RARB: variants seen among roughly 807,000 people sequenced by gnomAD.
The protein encoded by RARB is retinoic acid receptor beta.
In RARB, 17 loss-of-function variants were observed where a neutral mutation model predicts 51.9. That is an observed-to-expected ratio of 0.33 (90% CI 0.22 to 0.49). The LOEUF is 0.49. Ranked by LOEUF, RARB falls within the 20% of genes least tolerant of loss-of-function variation. The pLI is 0.99. For missense variants in RARB, 369 were observed against 550.8 expected (o/e 0.67, Z 3.30); for synonymous variants, 215 against 195.4 (o/e 1.10, Z -0.84).
At chr3:25,464,075 T>G (rs1181082587) in intron 2 of RARB, among the ~76,000 whole-genome samples, 1 of 152,224 alleles carries the variant, frequency 6.6e-6, no homozygotes, top group East Asian at 1.9e-4. Flanking sequence ...AATATATAAA[T>G]AAATGATTTT....
At chr3:25,424,060 TAACCA>T (rs1707925838), upstream of RARB, among the ~76,000 whole-genome samples, 2 of 152,334 alleles carry the variant, frequency 1.3e-5, no homozygotes, top group South Asian at 4.1e-4. Context: ...TATTTGTGTG[TAACCA>T]AGTAGGAAGA....
At chr3:25,445,931 A>G (rs1016530253) in intron 1 of RARB, among the ~76,000 whole-genome samples, 13 of 152,228 alleles carry the variant, frequency 8.5e-5, no homozygotes, top group African/African-American at 3.1e-4. Context: ...ATTTTGTCTT[A>G]TGGAGCTCTA....
At chr3:25,218,828 G>A (rs540139701) in intron 5 of RARB, among the ~76,000 whole-genome samples, 3 of 151,754 alleles carry the variant, frequency 2.0e-5, no homozygotes, top group Non-Finnish European at 4.4e-5. Context: ...CAGAGCTGTA[G>A]AGCCAGGACT....
chr3:25,479,774 A>G (rs1696138950), intron 2 of RARB, among the ~76,000 whole-genome samples: 1 of 152,208 alleles, frequency 6.6e-6, no homozygotes, highest in Non-Finnish European at 1.5e-5. Flanking sequence ...AGGTCATGTT[A>G]ATTCTACTGC....
intron 3 of RARB, among the ~76,000 whole-genome samples, chr3:25,521,114 G>C (rs138591414): frequency 6.6e-6 from 1 of 152,182 alleles, no homozygotes; most frequent in Non-Finnish European, 1.5e-5. Flanking sequence ...AGCAACCTAT[G>C]TCTGGGTCTC....
At chr3:25,032,003 T>A (rs963961275) in intron 2 of RARB, among the ~76,000 whole-genome samples, 1 of 152,216 alleles carries the variant, frequency 6.6e-6, no homozygotes, top group Admixed American at 6.5e-5. Flanking sequence ...TTTGCCTTTA[T>A]TAAAGCCAGG....
chr3:25,043,992 G>A (rs1698163960), intron 2 of RARB, among the ~76,000 whole-genome samples: 1 of 151,858 alleles, frequency 6.6e-6, no homozygotes, highest in African/African-American at 2.4e-5. Context: ...CCTGACTGGT[G>A]GATTGAGGCT....
chr3:25,376,033 T>G (rs1706449736), intron 5 of RARB, among the ~76,000 whole-genome samples: 1 of 152,248 alleles, frequency 6.6e-6, no homozygotes. Context: ...CGTAGAGCTC[T>G]TAAAACCATG....
chr3:25,362,424 C>A (rs1393306994), intron 5 of RARB, among the ~76,000 whole-genome samples: 5 of 152,168 alleles, frequency 3.3e-5, no homozygotes, highest in African/African-American at 7.2e-5. Flanking sequence ...GCTTGCTGGG[C>A]TCCAATGAGC....
intron 5 of RARB, among the ~76,000 whole-genome samples, chr3:25,416,147 T>A (rs1292324221): frequency 1.3e-5 from 2 of 152,198 alleles, no homozygotes; most frequent in Non-Finnish European, 2.9e-5. Context: ...ATCCCAGCAC[T>A]CTGGGAGGCA....
chr3:24,941,402 C>A (rs1695664438), intron 2 of RARB, among the ~76,000 whole-genome samples: 1 of 149,120 alleles, frequency 6.7e-6, no homozygotes, highest in Non-Finnish European at 1.5e-5. Flanking sequence ...CAGAGTCTCA[C>A]TTCTTCACCC....
chr3:25,460,429 T>TTTAA (rs1242341536), intron 1 of RARB, among the ~76,000 whole-genome samples: 6 of 16,002 alleles, frequency 3.7e-4, no homozygotes, highest in African/African-American at 3.2e-3. Context: ...TTTTAAAATT[T>TTTAA]TTATTTATTT....
chr3:24,896,615 T>C (rs1294967588), intron 2 of RARB, among the ~76,000 whole-genome samples: 1 of 152,156 alleles, frequency 6.6e-6, no homozygotes, highest in African/African-American at 2.4e-5. Context: ...TGGTGATGGT[T>C]CCATAACATC....
chr3:25,065,750 G>A (rs1290237219), intron 3 of RARB, among the ~76,000 whole-genome samples: 2 of 152,212 alleles, frequency 1.3e-5, no homozygotes, highest in Non-Finnish European at 2.9e-5. Flanking sequence ...CCCAACTTAT[G>A]TGGGTCACAC....
intron 5 of RARB, among the ~76,000 whole-genome samples, chr3:25,418,346 G>A (rs1707765735): frequency 6.6e-6 from 1 of 152,172 alleles, no homozygotes; most frequent in African/African-American, 2.4e-5. Flanking sequence ...CATGGTACCA[G>A]AGAATTTATA....
chr3:25,506,125 C>G (rs1444532188), intron 3 of RARB, among the ~76,000 whole-genome samples: 1 of 151,952 alleles, frequency 6.6e-6, no homozygotes, highest in Non-Finnish European at 1.5e-5. Context: ...TGGTAGCGCG[C>G]TCCTATAATC....
chr3:24,941,736 T>C (rs1695672159), intron 2 of RARB, among the ~76,000 whole-genome samples: 1 of 152,194 alleles, frequency 6.6e-6, no homozygotes, highest in African/African-American at 2.4e-5. Flanking sequence ...TTTGCCTCAT[T>C]TTTCTGTGGA....
intron 2 of RARB, among the ~76,000 whole-genome samples, chr3:24,987,005 C>T (rs1282344672): frequency 2.6e-5 from 4 of 152,116 alleles, no homozygotes; most frequent in African/African-American, 7.2e-5. Flanking sequence ...TTTGGATGCT[C>T]ATTCAAAAAA....
chr3:25,440,193 G>T (rs1050308191), intron 1 of RARB, among the ~76,000 whole-genome samples: 6 of 152,110 alleles, frequency 3.9e-5, no homozygotes, highest in African/African-American at 1.4e-4. Flanking sequence ...ACTCATACCG[G>T]AAATTCTAGC....
Sources: allele counts gnomAD v4.1 joint callset (sites outside exome capture counted in the v4.1 genomes callset), GRCh38; gene constraint gnomAD v4.1.1; transcripts MANE v1.5; gene names NCBI Gene and HGNC (gene_info 2026-07-23, HGNC 2026-07-21).